RUVBL2: variants seen among roughly 807,000 people sequenced by gnomAD.
The protein encoded by RUVBL2 is RuvB like AAA ATPase 2.
In RUVBL2, 9 loss-of-function variants were observed where a neutral mutation model predicts 57.9. The ratio of observed to expected loss-of-function variants is 0.16; its 90% confidence interval spans 0.09 to 0.27. The LOEUF is 0.27. Ranked by LOEUF, RUVBL2 falls within the 10% of genes least tolerant of loss-of-function variation. RUVBL2 has a pLI of 1.00. For missense variants in RUVBL2, 456 were observed against 669.6 expected (o/e 0.68, Z 3.52); for synonymous variants, 278 against 264.6 (o/e 1.05, Z -0.49).
At position 49,010,482 on chromosome 19, in the gene RUVBL2, C is replaced by CCCCCCCCAA; in HGVS notation, c.664-5_664-4insCCCCCCAAC. The CCCCCCCCAA allele has an allele frequency of 6.2e-7, 1 of 1,605,470 alleles. No individual in the cohort carries two copies. Among genetic ancestry groups the CCCCCCCCAA allele is most frequent in the Non-Finnish European group, 8.5e-7 (1 of 1,173,106 alleles). ...CCGCCGTTCTTCCCCCACCCCCGCC[C>CCCCCCCCAA]CATAGACCAAGTTCGTGCAGTGCCC... On this transcript the variant is annotated splice_polypyrimidine_tract_variant and splice_region_variant and intron_variant, in intron 8 of 14. Coordinates refer to ENST00000595090, the MANE Select transcript of RUVBL2 (RefSeq NM_006666.3).
At chr19:49,004,839 A>T (rs2039252241) in intron 4 of RUVBL2, among the ~76,000 whole-genome samples, 1 of 152,196 alleles carries the variant, frequency 6.6e-6, no homozygotes, top group Non-Finnish European at 1.5e-5. Flanking sequence ...GAATGTAATC[A>T]TATGATCACA....
chr19:48,995,588 G>T (rs1037171403), intron 1 of RUVBL2, among the ~76,000 whole-genome samples: 1 of 151,626 alleles, frequency 6.6e-6, no homozygotes, highest in African/African-American at 2.4e-5. Context: ...AGTGGCTCAC[G>T]CCTGTAATCC....
rs1454292330 is a variant in RUVBL2 at position 49,015,952 on chromosome 19, C to T, written c.*110C>T. 6.2e-7 allele frequency: 1 copy of T among 1,614,190 alleles called. No individual in the cohort carries two copies. The highest frequency in any genetic ancestry group is 1.3e-5 in the African/African-American group (1 of 75,050). ...CCCACCCTGTGTATGTGTGGTTGCC[C>T]TGAGCCCACAGAAAGACACCTCCAG... On this transcript the variant is annotated 3_prime_UTR_variant, in exon 15 of 15. Transcript: ENST00000595090.
intron 11 of RUVBL2, among the ~76,000 whole-genome samples, chr19:49,012,843 CCACACACACACA>C (rs58302006): frequency 2.1e-4 from 30 of 141,908 alleles, no homozygotes; most frequent in East Asian, 6.3e-4. Context: ...TCAGTGCCCA[CCACACACACACA>C]CACACACACA....
Position 49,015,586 on chromosome 19 carries a change from G to T in RUVBL2, c.1266G>T (p.Gln422His). ...TCCCCCTCCAGGGTACAGAAGTGCA[G>T]GTGGATGACATCAAGCGGGTCTACT... ...VCRKRKGTEV[Q>H]VDDIKRVYSL... The change falls in exon 14 of 15, where the codon CAG becomes CAT. Residue 422 changes from glutamine to histidine, a missense_variant. Gln to His is a conservative substitution (Grantham distance 24). Transcript: ENST00000595090. 1.9e-6 allele frequency: 3 copies of T among 1,613,932 alleles called. No individual in the cohort carries two copies. Among genetic ancestry groups the T allele is most frequent in the Non-Finnish European group, 2.5e-6 (3 of 1,179,896 alleles).
In RUVBL2 at chr19:49,009,868, C is replaced by A. The variant is rs763334024; in HGVS notation, c.555C>A (p.Asp185Glu). The A allele has an allele frequency of 6.2e-7, 1 of 1,614,070 alleles. No homozygotes were observed. The highest frequency in any genetic ancestry group is 2.2e-5 in the East Asian group (1 of 44,882). ...AGATGATTGAGTCCCTGACCAAGGA[C>A]AAGGTCCAGGCCGGGTGAGCAGTCA... ...GTKMIESLTK[D>E]KVQAGDVITI... Residue 185 changes from aspartate to glutamate, a missense_variant, in exon 7 of 15, where the codon GAC (aspartate) becomes GAA (glutamate). Transcript: ENST00000595090.
chr19:49,009,724 G>A (rs2039367446), intron 6 of RUVBL2, 52 bp from the exon 7 acceptor site: 2 of 1,509,394 alleles, frequency 1.3e-6, no homozygotes, highest in South Asian at 2.3e-5. Context: ...GGGCACTGGG[G>A]CAACATCAGG....
intron 11 of RUVBL2, among the ~76,000 whole-genome samples, chr19:49,013,387 T>C (rs1240876109): frequency 6.6e-6 from 1 of 151,952 alleles, no homozygotes; most frequent in Non-Finnish European, 1.5e-5. Flanking sequence ...TTTGTGCCTT[T>C]TTTTTTTAAA....
intron 11 of RUVBL2, among the ~76,000 whole-genome samples, chr19:49,013,882 C>T (rs918044566): frequency 2.0e-5 from 3 of 152,248 alleles, no homozygotes; most frequent in African/African-American, 7.2e-5. Context: ...CCACTGCACT[C>T]CAGCCTCGCA....
chr19:49,010,693 C>T (rs577859165), intron 9 of RUVBL2, 82 bp downstream of exon 9: 57 of 1,569,130 alleles, frequency 3.6e-5, no homozygotes, highest in Admixed American at 5.4e-5. Context: ...TCCTGAGCTC[C>T]GAGTGTGGCC....
chr19:49,003,232 C>T (rs1483580726), intron 2 of RUVBL2, 47 bp from the exon 3 acceptor site: 1 of 1,516,766 alleles, frequency 6.6e-7, no homozygotes, highest in Non-Finnish European at 9.0e-7. Flanking sequence ...GCCACATGTG[C>T]AGCAAGCTGG....
At chr19:49,012,714 A>G (rs935424279) in intron 11 of RUVBL2, among the ~76,000 whole-genome samples, 1 of 152,236 alleles carries the variant, frequency 6.6e-6, no homozygotes, top group African/African-American at 2.4e-5. Context: ...CATGCTGTAA[A>G]TAAGTGTCCT....
chr19:49,007,217 G>A (rs559270344), intron 5 of RUVBL2, 70 bp downstream of exon 5: 15 of 1,607,788 alleles, frequency 9.3e-6, no homozygotes, highest in Middle Eastern at 1.7e-4. Context: ...CGGGCGGCTC[G>A]TCCTTTGTCC....
intron 3 of RUVBL2, among the ~76,000 whole-genome samples, chr19:49,003,720 G>T (rs4802532): frequency 0.13 from 19,675 of 151,362 alleles, 1,397 homozygotes; most frequent in East Asian, 0.18. Flanking sequence ...GGAGGTGGAG[G>T]TTGCAATGAG....
intron 1 of RUVBL2, 156 bp downstream of exon 1, chr19:48,994,079 C>G: frequency 7.3e-5 from 13 of 178,690 alleles, no homozygotes; most frequent in East Asian, 6.1e-4. Context: ...CCACCCAGAT[C>G]TGGGGGAGAA....
At chr19:49,004,858 CA>C (rs1306452079) in intron 4 of RUVBL2, among the ~76,000 whole-genome samples, 2 of 152,004 alleles carry the variant, frequency 1.3e-5, no homozygotes, top group Non-Finnish European at 2.9e-5. Context: ...CACTCTGCTT[CA>C]GGGGAGGCTG....
At chr19:49,013,402 T>C (rs1222523374) in intron 11 of RUVBL2, among the ~76,000 whole-genome samples, 1 of 152,054 alleles carries the variant, frequency 6.6e-6, no homozygotes, top group African/African-American at 2.4e-5. Flanking sequence ...TTTAAACTTT[T>C]TGGGGCCATT....
intron 1 of RUVBL2, among the ~76,000 whole-genome samples, chr19:48,996,451 G>T (rs2039061630): frequency 6.6e-6 from 1 of 150,632 alleles, no homozygotes; most frequent in African/African-American, 2.5e-5. Context: ...TCAGCCTCCT[G>T]AGTAGCTGGG....
At position 48,995,942 on chromosome 19, in the gene RUVBL2, G is replaced by A. The variant is rs865854670; in HGVS notation, c.12+2019G>A. ...GCGAAGGTTGCAGTGAGCCGAGATCGCGCCACTGCACTCCAGCCTGGGTGA... is the reference window on the plus strand; with the variant it reads ...GCGAAGGTTGCAGTGAGCCGAGATCACGCCACTGCACTCCAGCCTGGGTGA... On this transcript the variant is annotated intron_variant, in intron 1 of 14. Transcript: ENST00000595090. Among the ~76,000 whole-genome samples the A allele has an allele frequency of 8.6e-5, 13 of 150,536 alleles. No homozygotes were observed. In the South Asian group the frequency reaches 1.9e-3, roughly 22 times the overall value.
Sources: allele counts gnomAD v4.1 joint callset (sites outside exome capture counted in the v4.1 genomes callset), GRCh38; gene constraint gnomAD v4.1.1; transcripts MANE v1.5; gene names NCBI Gene and HGNC (gene_info 2026-07-23, HGNC 2026-07-21).